The following SUZ12 variants were observed in gnomAD, a reference collection of about 807,000 sequenced individuals.
SUZ12 encodes SUZ12 polycomb repressive complex 2 subunit.
SUZ12 carries 17 observed loss-of-function variants against 87.3 expected under a neutral mutation model. That is an observed-to-expected ratio of 0.19 (90% CI 0.13 to 0.29). The LOEUF is 0.29. Among genes scored for constraint, SUZ12 ranks in the 10% least tolerant of loss-of-function variants. The pLI is 1.00. For synonymous variants in SUZ12, 253 were observed against 312.4 expected (o/e 0.81, Z 2.01); for missense variants, 526 against 912.2 (o/e 0.58, Z 5.45).
intron 5 of SUZ12, chr17:31,966,856 A>G (rs953432108): frequency 1.8e-4 from 28 of 152,342 alleles, no homozygotes; most frequent in African/African-American, 6.3e-4. Flanking sequence ...AAAAGCTCAA[A>G]GCATGCTGGA....
rs55832508 is a variant in SUZ12, at chr17:31,995,639, T to C, written c.1671T>C (p.Tyr557=). 1.3e-3 allele frequency: 2,156 copies of C among 1,613,952 alleles called. 30 individuals are homozygous for C. The African/African-American group carries it at 0.026, about 19-fold the overall frequency. Residue 557 remains tyrosine (Y), a synonymous_variant, in exon 14 of 16, where the codon TAT becomes TAC. Transcript: ENST00000322652. ...GGGAAGTAGAACAGCAAAGAACATA[T>C]AGTAGTGGCCACAATCGTCTGTATT... The part of the protein sequence containing the change: ...EDGEVEQQRT[Y]SSGHNRLYFH...
chr17:31,972,367 ATGTG>A (rs1908489298), intron 5 of SUZ12, among the ~76,000 whole-genome samples: 1 of 140,298 alleles, frequency 7.1e-6, no homozygotes, highest in Non-Finnish European at 1.5e-5. Context: ...ATGTGTATGT[ATGTG>A]TGTTTGTGTG....
In SUZ12 at chr17:32,001,004, G is replaced by T. The variant is rs1237036949; in HGVS notation, c.*2001G>T. 1 of 208,012 alleles carries T rather than the reference G, an allele frequency of 4.8e-6. No individual in the cohort carries two copies. Among genetic ancestry groups the T allele is most frequent in the Non-Finnish European group, 9.8e-6 (1 of 102,088 alleles). The allele number at this position is 208,012 out of a possible 1,614,324, so 12.9% of individuals were successfully genotyped here. A position where few individuals can be genotyped will look rare whatever the true frequency, so the allele number is the denominator to read the frequency against. On this transcript the variant is annotated 3_prime_UTR_variant, in exon 16 of 16. Coordinates refer to ENST00000322652, the MANE Select transcript of SUZ12 (RefSeq NM_015355.4). ...ATTAAATGTTTATTTGAAATCAAATGATTTTGTACATAAAGTTCAATAATA... is the reference window on the plus strand; with the variant it reads ...ATTAAATGTTTATTTGAAATCAAATTATTTTGTACATAAAGTTCAATAATA...
chr17:31,993,584 C>G (rs949427422), intron 11 of SUZ12, among the ~76,000 whole-genome samples: 3 of 152,114 alleles, frequency 2.0e-5, no homozygotes, highest in Admixed American at 2.0e-4. Context: ...CCACTCCTGG[C>G]TAATTTTTGT....
At chr17:31,953,249 G>A (rs1450428776) in intron 4 of SUZ12, among the ~76,000 whole-genome samples, 1 of 152,028 alleles carries the variant, frequency 6.6e-6, no homozygotes, top group Non-Finnish European at 1.5e-5. Context: ...GAGATTACAG[G>A]CATCTGCCAC....
At chr17:31,977,359 C>G (rs1277831309) in intron 8 of SUZ12, among the ~76,000 whole-genome samples, 1 of 151,740 alleles carries the variant, frequency 6.6e-6, no homozygotes, top group East Asian at 1.9e-4. Context: ...CTCACTGCAA[C>G]CCCTCTGCCA....
intron 12 of SUZ12, 43 bp from the exon 13 acceptor site, chr17:31,994,521 A>G (rs1909871119): frequency 6.7e-7 from 1 of 1,498,624 alleles, no homozygotes; most frequent in Non-Finnish European, 8.9e-7. Flanking sequence ...GATATTTAGG[A>G]TAGGATACTT....
intron 4 of SUZ12, among the ~76,000 whole-genome samples, chr17:31,950,921 C>G (rs1422772928): frequency 6.6e-6 from 1 of 152,154 alleles, no homozygotes; most frequent in South Asian, 2.1e-4. Flanking sequence ...GCTGGGACTA[C>G]AGGCGCCCGC....
chr17:31,963,447 C>T (rs1439505353), intron 4 of SUZ12, among the ~76,000 whole-genome samples: 1 of 151,574 alleles, frequency 6.6e-6, no homozygotes, highest in African/African-American at 2.4e-5. Flanking sequence ...GCATGAGCCA[C>T]CACGCCCAGC....
In SUZ12 at chr17:32,000,574, G is replaced by T. The variant is rs751194002; in HGVS notation, c.*1571G>T. 1.8e-4 allele frequency: 41 copies of T among 231,416 alleles called. No homozygotes were observed. The highest frequency in any genetic ancestry group is 3.1e-4 in the Non-Finnish European group (36 of 117,270). 14.3% of individuals were successfully genotyped at this position (231,416 alleles called of 1,614,324 possible). On this transcript the variant is annotated 3_prime_UTR_variant, in exon 16 of 16. Coordinates refer to ENST00000322652, the MANE Select transcript of SUZ12 (RefSeq NM_015355.4). ...TAGTAAACTCTGATTTTTGCCTCTG[G>T]ATAGTAGATCTCGAGCGTTTATCTC... is the stretch of plus-strand genomic sequence containing the variant.
chr17:31,968,968 A>G lies in SUZ12; in HGVS notation c.505+2772A>G, dbSNP rs532777019. Among the ~76,000 whole-genome samples the G allele has an allele frequency of 1.7e-4, 26 of 152,276 alleles. No individual in the cohort carries two copies. In the East Asian group the frequency reaches 5.0e-3, roughly 29 times the overall value. ...TTTTCTTGATATTGAAGTAAAAGAG[A>G]TAGTGAACTCTGTTGATATCTCTGT... On this transcript the variant is annotated intron_variant, in intron 5 of 15. Coordinates refer to ENST00000322652, the MANE Select transcript of SUZ12 (RefSeq NM_015355.4).
At chr17:31,968,633 G>A (rs990887190) in intron 5 of SUZ12, among the ~76,000 whole-genome samples, 3 of 152,138 alleles carry the variant, frequency 2.0e-5, no homozygotes, top group Admixed American at 1.3e-4. Flanking sequence ...TTTTTATATA[G>A]AAGTAACCTG....
intron 5 of SUZ12, among the ~76,000 whole-genome samples, chr17:31,970,906 T>C (rs748338269): frequency 6.6e-6 from 1 of 152,194 alleles, no homozygotes; most frequent in Non-Finnish European, 1.5e-5. Context: ...CTGGATGTTA[T>C]TGAAGCTATT....
At chr17:31,968,499 G>T (rs377660369) in intron 5 of SUZ12, among the ~76,000 whole-genome samples, 32 of 152,210 alleles carry the variant, frequency 2.1e-4, no homozygotes, top group East Asian at 9.7e-4. Context: ...CCCAAAGTGC[G>T]GGGATTACAG....
chr17:31,963,329 A>T (rs1907854211), intron 4 of SUZ12, among the ~76,000 whole-genome samples: 1 of 151,020 alleles, frequency 6.6e-6, no homozygotes, highest in Non-Finnish European at 1.5e-5. Flanking sequence ...TTTTTAGTAG[A>T]GATTGGGTTT....
intron 5 of SUZ12, among the ~76,000 whole-genome samples, chr17:31,968,440 C>T (rs1457072076): frequency 6.6e-6 from 1 of 152,094 alleles, no homozygotes; most frequent in East Asian, 1.9e-4. Flanking sequence ...CTACATTTCC[C>T]AGGCTGGTCT....
intron 4 of SUZ12, among the ~76,000 whole-genome samples, chr17:31,962,893 CAA>C (rs1259211688): frequency 2.6e-5 from 4 of 152,206 alleles, no homozygotes; most frequent in African/African-American, 7.2e-5. Context: ...ATTGAAGCAA[CAA>C]AGAGTAGGAT....
At position 31,999,737 on chromosome 17, in the gene SUZ12, C is replaced by G; in HGVS notation, c.*734C>G. 4.3e-6 allele frequency: 1 copy of G among 231,214 alleles called. No individual in the cohort carries two copies. The highest frequency in any genetic ancestry group is 5.7e-5 in the Admixed American group (1 of 17,624). 14.3% of individuals were successfully genotyped at this position (231,214 alleles called of 1,614,324 possible). ...TGGATAATTTTAGTGCATTGCTCAC[C>G]CGGTATGTTTTTTTTTTTTAACTTG... On this transcript the variant is annotated 3_prime_UTR_variant, in exon 16 of 16. Coordinates refer to ENST00000322652, the MANE Select transcript of SUZ12 (RefSeq NM_015355.4).
chr17:31,953,686 G>T (rs1243562266), intron 4 of SUZ12, among the ~76,000 whole-genome samples: 1 of 151,440 alleles, frequency 6.6e-6, no homozygotes, highest in Non-Finnish European at 1.5e-5. Flanking sequence ...GAGATTACAG[G>T]AATGAGCCCG....
Sources: gnomAD v4.1 joint callset for allele counts (sites outside exome capture counted in the v4.1 genomes callset) on GRCh38, gnomAD v4.1.1 for gene constraint, MANE v1.5 for transcripts, NCBI Gene and HGNC (gene_info 2026-07-23, HGNC 2026-07-21) for gene names.